Variants in STK33 observed in about 807,000 individuals in gnomAD.
STK33 encodes serine/threonine kinase 33, also known as serine/threonine-protein kinase 33.
A neutral mutation model predicts 58.0 loss-of-function variants in STK33; 52 were observed. That is an observed-to-expected ratio of 0.90 (90% CI 0.72 to 1.13). STK33 has a LOEUF of 1.13. STK33 is among the 50% of genes most tolerant of loss of function. The probability of loss-of-function intolerance (pLI) is 0.00; values close to 1 mark genes in which losing one functional copy is unlikely to be tolerated. For missense variants in STK33, 630 were observed against 604.2 expected (o/e 1.04, Z -0.45); for synonymous variants, 215 against 200.1 (o/e 1.07, Z -0.63).
chr11:8,396,950 A>C (rs1410354417), intron 15 of STK33, among the ~76,000 whole-genome samples: 1 of 152,196 alleles, frequency 6.6e-6, no homozygotes, highest in Non-Finnish European at 1.5e-5. Flanking sequence ...TGAGTAGGTA[A>C]ACAAAGTGGC....
At chr11:8,400,122 G>C (rs181920106) in intron 15 of STK33, among the ~76,000 whole-genome samples, 1 of 152,272 alleles carries the variant, frequency 6.6e-6, no homozygotes, top group African/African-American at 2.4e-5. Flanking sequence ...CATTTGATGA[G>C]GCCAGCATCA....
At chr11:8,438,545 T>G (rs975917879) in intron 12 of STK33, among the ~76,000 whole-genome samples, 1 of 152,190 alleles carries the variant, frequency 6.6e-6, no homozygotes, top group African/African-American at 2.4e-5. Context: ...GAATAGGCAC[T>G]GATTAGCTAA....
chr11:8,465,478 T>C (rs1239074489), intron 6 of STK33: 1 of 152,216 alleles, frequency 6.6e-6, no homozygotes, highest in Admixed American at 6.5e-5. Flanking sequence ...AAAGAATACA[T>C]TGGTTTTGCC....
intron 1 of STK33, among the ~76,000 whole-genome samples, chr11:8,481,420 AAAGACGTCCAT>A (rs1176355372): frequency 2.6e-5 from 4 of 152,236 alleles, no homozygotes; most frequent in African/African-American, 9.6e-5. Context: ...ATGTCCAGCA[AAAGACGTCCAT>A]TAAGTAAGGA....
chr11:8,550,076 T>C (rs1328869621), intron 1 of STK33, among the ~76,000 whole-genome samples: 1 of 152,244 alleles, frequency 6.6e-6, no homozygotes, highest in Admixed American at 6.5e-5. Context: ...CTCTCAGTGA[T>C]ATATCAGCAT....
chr11:8,504,860 A>G (rs1037390240), intron 1 of STK33, among the ~76,000 whole-genome samples: 7 of 152,184 alleles, frequency 4.6e-5, no homozygotes, highest in African/African-American at 1.7e-4. Flanking sequence ...AACAAAAGTA[A>G]TAAATACTCA....
intron 1 of STK33, among the ~76,000 whole-genome samples, chr11:8,527,276 A>G (rs945457023): frequency 2.6e-5 from 4 of 152,152 alleles, no homozygotes; most frequent in Non-Finnish European, 5.9e-5. Flanking sequence ...GTGCCCAGCC[A>G]AATTCTAAAA....
intron 1 of STK33, among the ~76,000 whole-genome samples, chr11:8,502,019 C>CTTGGG (rs1951550410): frequency 1.3e-5 from 2 of 152,046 alleles, no homozygotes; most frequent in Non-Finnish European, 2.9e-5. Flanking sequence ...TAGTGTATTT[C>CTTGGG]AGGGCTTGGG....
At chr11:8,343,881 C>A in the STK33 span, among the ~76,000 whole-genome samples, 2 of 152,158 alleles carry the variant, frequency 1.3e-5, no homozygotes, top group Non-Finnish European at 2.9e-5. Context: ...GTCTCCTTCA[C>A]CTCACATAGC....
chr11:8,480,103 G>C (rs147664282), intron 2 of STK33, among the ~76,000 whole-genome samples: 1 of 152,182 alleles, frequency 6.6e-6, no homozygotes, highest in Non-Finnish European at 1.5e-5. Context: ...AAGAGGATTA[G>C]GCATATGGGA....
downstream of STK33, among the ~76,000 whole-genome samples, chr11:8,387,044 A>C (rs903025661): frequency 6.6e-6 from 1 of 152,266 alleles, no homozygotes; most frequent in South Asian, 2.1e-4. Context: ...TGCTCCAGAC[A>C]AAAGGACCAG....
At chr11:8,499,001 C>CCATTCAGGA (rs1376507262) in intron 1 of STK33, among the ~76,000 whole-genome samples, 1 of 152,160 alleles carries the variant, frequency 6.6e-6, no homozygotes, top group African/African-American at 2.4e-5. Flanking sequence ...CTAGCCAATA[C>CCATTCAGGA]CATTCAGGAC....
At chr11:8,396,240 A>AT (rs1849317428) in intron 15 of STK33, among the ~76,000 whole-genome samples, 1 of 152,132 alleles carries the variant, frequency 6.6e-6, no homozygotes, top group African/African-American at 2.4e-5. Flanking sequence ...AGTAGTTGGG[A>AT]TTGCAGGTAC....
chr11:8,504,865 T>C (rs920313174), intron 1 of STK33, among the ~76,000 whole-genome samples: 3 of 152,124 alleles, frequency 2.0e-5, no homozygotes, highest in Non-Finnish European at 4.4e-5. Context: ...AAGTAATAAA[T>C]ACTCAAAATT....
chr11:8,448,321 C>T (rs1412267152), intron 11 of STK33, among the ~76,000 whole-genome samples: 2 of 151,972 alleles, frequency 1.3e-5, no homozygotes, highest in African/African-American at 4.8e-5. Flanking sequence ...GCCCACATTG[C>T]CAAGTCAATC....
At chr11:8,523,570 T>C in intron 1 of STK33, among the ~76,000 whole-genome samples, 1 of 151,342 alleles carries the variant, frequency 6.6e-6, no homozygotes, top group East Asian at 2.0e-4. Flanking sequence ...AGCCGCCCCA[T>C]CTGGGAAGCG....
chr11:8,541,471 C>T (rs1955512851), intron 1 of STK33, among the ~76,000 whole-genome samples: 1 of 152,144 alleles, frequency 6.6e-6, no homozygotes, highest in South Asian at 2.1e-4. Context: ...ACAACCACTC[C>T]TAATCAGAAA....
intron 15 of STK33, among the ~76,000 whole-genome samples, chr11:8,410,470 C>CTTTTTTTTTTTTTTTTT (rs11382344): frequency 4.1e-5 from 5 of 121,846 alleles, no homozygotes; most frequent in South Asian, 2.7e-4. Flanking sequence ...CTTTTCTTTT[C>CTTTTTTTTTTTTTTTTT]TTTTTTTTTT....
At chr11:8,538,758 C>T (rs887210296) in intron 1 of STK33, among the ~76,000 whole-genome samples, 1 of 152,182 alleles carries the variant, frequency 6.6e-6, no homozygotes, top group African/African-American at 2.4e-5. Flanking sequence ...AACACACACA[C>T]ATATGCATGT....
Sources: gnomAD v4.1 joint callset for allele counts (sites outside exome capture counted in the v4.1 genomes callset) on GRCh38, gnomAD v4.1.1 for gene constraint, MANE v1.5 for transcripts, NCBI Gene and HGNC (gene_info 2026-07-23, HGNC 2026-07-21) for gene names.